Variants in AGBL1 observed in about 807,000 individuals in gnomAD.
AGBL1 encodes the protein cytosolic carboxypeptidase 4.
A neutral mutation model predicts 118.9 loss-of-function variants in AGBL1; 130 were observed. The observed-to-expected ratio is 1.09, with a 90% CI of 0.95 to 1.26. The LOEUF (loss-of-function observed/expected upper bound fraction) is 1.26, where lower values mean the gene tolerates loss of function less well. AGBL1 is among the 50% of genes most tolerant of loss of function. AGBL1 has a pLI of 0.00. For missense variants in AGBL1, 1,584 were observed against 1,298.1 expected, an observed-to-expected ratio of 1.22 and a Z score of -3.38; for synonymous variants, 555 against 478.9, an observed-to-expected ratio of 1.16 and a Z score of -2.08.
rs115735301 is a variant in AGBL1, at chr15:86,218,885, G to C, written c.489-6029G>C. Among the ~76,000 whole-genome samples the C allele has an allele frequency of 9.1e-3, 1,382 of 152,334 alleles. 17 individuals carry two copies. The highest frequency in any genetic ancestry group is 0.032 in the African/African-American group (1,340 of 41,592). ...AGCCTCAAGATGAAGACTCAGCCCT[G>C]GCTGATGCCTTGATTGCAGCCTTGT... On this transcript the variant is annotated intron_variant, in intron 5 of 22. Coordinates refer to ENST00000614907, the MANE Select transcript of AGBL1 (RefSeq NM_001386094.1).
At chr15:86,487,630 G>A (rs1328765513) in intron 18 of AGBL1, among the ~76,000 whole-genome samples, 1 of 151,852 alleles carries the variant, frequency 6.6e-6, no homozygotes, top group African/African-American at 2.4e-5. Context: ...ATTTGGCAAG[G>A]AGGCCGAGAC....
At chr15:86,421,529 T>G (rs940902878) in intron 18 of AGBL1, among the ~76,000 whole-genome samples, 2 of 152,126 alleles carry the variant, frequency 1.3e-5, no homozygotes, top group African/African-American at 4.8e-5. Flanking sequence ...ATTGACACTA[T>G]GAAGAAACTG....
chr15:86,454,593 C>T (rs186431264), intron 18 of AGBL1, among the ~76,000 whole-genome samples: 5 of 152,252 alleles, frequency 3.3e-5, no homozygotes, highest in African/African-American at 1.2e-4. Context: ...TTGGTAAATG[C>T]TACAACACGG....
chr15:86,411,024 G>T (rs953595864), intron 18 of AGBL1, among the ~76,000 whole-genome samples: 4 of 146,330 alleles, frequency 2.7e-5, no homozygotes, highest in Non-Finnish European at 6.0e-5. Context: ...AACTGAATAG[G>T]TTGTACAAAA....
intron 22 of AGBL1, among the ~76,000 whole-genome samples, chr15:86,893,885 G>C (rs555755697): frequency 2.6e-5 from 4 of 152,276 alleles, no homozygotes; most frequent in African/African-American, 9.6e-5. Context: ...ATCATTTCAA[G>C]AAGAAAAACA....
At chr15:86,274,783 C>G (rs139225957) in intron 15 of AGBL1, among the ~76,000 whole-genome samples, 1 of 152,176 alleles carries the variant, frequency 6.6e-6, no homozygotes, top group Non-Finnish European at 1.5e-5. Context: ...ATCGAGACAG[C>G]CATGCCAATC....
chr15:86,216,947 C>T (rs1359266677), intron 5 of AGBL1, among the ~76,000 whole-genome samples: 1 of 152,174 alleles, frequency 6.6e-6, no homozygotes, highest in African/African-American at 2.4e-5. Context: ...CTGGCTGTCC[C>T]CTCAGCTCAG....
intron 23 of AGBL1, among the ~76,000 whole-genome samples, chr15:86,946,536 A>G (rs2080823376): frequency 6.6e-6 from 1 of 152,012 alleles, no homozygotes; most frequent in South Asian, 2.1e-4. Flanking sequence ...TGAAGTGTCT[A>G]GTGGGGAATG....
At chr15:86,887,247 TTATG>T (rs933192029) in intron 22 of AGBL1, among the ~76,000 whole-genome samples, 8 of 152,210 alleles carry the variant, frequency 5.3e-5, no homozygotes, top group South Asian at 2.1e-4. Flanking sequence ...ATATATCTAT[TTATG>T]TATGTATCTA....
chr15:86,436,698 T>C (rs948587588), intron 18 of AGBL1, among the ~76,000 whole-genome samples: 1 of 152,236 alleles, frequency 6.6e-6, no homozygotes, highest in African/African-American at 2.4e-5. Flanking sequence ...AACCATGATT[T>C]CAAATTTATT....
At chr15:86,547,339 T>A (rs368290330) in intron 20 of AGBL1, among the ~76,000 whole-genome samples, 146 of 152,252 alleles carry the variant, frequency 9.6e-4, no homozygotes, top group African/African-American at 3.3e-3. Flanking sequence ...ATCTTAAATA[T>A]AGAGTCAGCA....
intron 17 of AGBL1, among the ~76,000 whole-genome samples, chr15:86,385,137 T>C (rs2081164322): frequency 6.6e-6 from 1 of 152,220 alleles, no homozygotes; most frequent in African/African-American, 2.4e-5. Context: ...AAAAGTCTGA[T>C]AACTTAGCAC....
intron 22 of AGBL1, among the ~76,000 whole-genome samples, chr15:86,843,211 C>A (rs2079269880): frequency 6.6e-6 from 1 of 152,144 alleles, no homozygotes; most frequent in Admixed American, 6.5e-5. Context: ...CAAGGATCTT[C>A]AAAGGATGAG....
chr15:86,269,019 G>T (rs970311744), intron 13 of AGBL1, among the ~76,000 whole-genome samples: 2 of 152,188 alleles, frequency 1.3e-5, no homozygotes, highest in South Asian at 4.1e-4. Flanking sequence ...TGCTAGTTCT[G>T]TTGCTAGAGA....
Position 86,674,359 on chromosome 15 carries a change from C to A in AGBL1, c.3081C>A (p.Ser1027Arg). Residue 1027 changes from serine (S) to arginine (R), a missense_variant, in exon 22 of 23, where the codon AGC becomes AGA. Coordinates refer to ENST00000614907, the MANE Select transcript of AGBL1 (RefSeq NM_001386094.1). ...GLLILELKSA[S>R]CSHQLLAQAA... ...TCATCCTGGAGCTCAAATCTGCCAG[C>A]TGCAGCCATCAGCTCCTGGCTCAAG... 1 of 1,612,832 alleles carries A rather than the reference C, an allele frequency of 6.2e-7. No individual in the cohort carries two copies. Among genetic ancestry groups the A allele is most frequent in the East Asian group, 2.2e-5 (1 of 44,720 alleles).
At chr15:86,257,040 G>A (rs2078907953) in intron 8 of AGBL1, 22 bp downstream of exon 8, 2 of 1,600,090 alleles carry the variant, frequency 1.2e-6, no homozygotes, top group African/African-American at 2.7e-5. Context: ...TGGTAACTAT[G>A]ACCTTTAAGA....
chr15:86,201,701 G>A (rs1036905354), intron 5 of AGBL1, among the ~76,000 whole-genome samples: 2 of 152,212 alleles, frequency 1.3e-5, no homozygotes, highest in Non-Finnish European at 2.9e-5. Flanking sequence ...GAGCAGTGCA[G>A]CATTAAAGAC....
chr15:86,481,087 C>T (rs1224281194), intron 18 of AGBL1, among the ~76,000 whole-genome samples: 1 of 150,344 alleles, frequency 6.7e-6, no homozygotes, highest in African/African-American at 2.4e-5. Context: ...AAAATCTTTC[C>T]CATGAAATGC....
At chr15:86,650,971 C>T (rs931142097) in intron 21 of AGBL1, among the ~76,000 whole-genome samples, 1 of 152,186 alleles carries the variant, frequency 6.6e-6, no homozygotes, top group Non-Finnish European at 1.5e-5. Context: ...TAGTAAATCC[C>T]TTAGCACTTC....
Sources: allele counts gnomAD v4.1 joint callset (sites outside exome capture counted in the v4.1 genomes callset), GRCh38; gene constraint gnomAD v4.1.1; transcripts MANE v1.5; gene names NCBI Gene and HGNC (gene_info 2026-07-23, HGNC 2026-07-21).